The following PPP2R5C variants were observed in gnomAD, a reference collection of about 807,000 sequenced individuals.
PPP2R5C encodes the protein protein phosphatase 2 regulatory subunit B'gamma.
PPP2R5C carries 7 observed loss-of-function variants against 68.9 expected under a neutral mutation model. The observed-to-expected ratio is 0.10, with a 90% CI of 0.06 to 0.19. The LOEUF is 0.19. PPP2R5C is among the 10% of genes least tolerant of loss of function. The pLI is 1.00. For missense variants in PPP2R5C, 348 were observed against 641.3 expected (o/e 0.54, Z 4.94); for synonymous variants, 210 against 222.2 (o/e 0.95, Z 0.49).
intron 2 of PPP2R5C, among the ~76,000 whole-genome samples, chr14:101,773,459 C>T (rs961956666): frequency 2.0e-5 from 3 of 151,972 alleles, no homozygotes; most frequent in Non-Finnish European, 2.9e-5. Context: ...GGCCACAGTG[C>T]AAAGATCTAG....
exon 2 of PPP2R5C, chr14:101,856,774 T>C (rs1351107916): frequency 1.9e-6 from 3 of 1,613,592 alleles, no homozygotes; most frequent in East Asian, 4.5e-5. Flanking sequence ...ATCCACTAAG[T>C]GACCTAAAGT....
At chr14:101,761,724 G>T (rs2036547113), upstream of PPP2R5C, 1 of 950,278 alleles carries the variant, frequency 1.1e-6, no homozygotes. Flanking sequence ...CGTGGCTGCC[G>T]CAGCCTCTGG....
chr14:101,896,544 G>A (rs1198701988), intron 8 of PPP2R5C, among the ~76,000 whole-genome samples: 1 of 150,560 alleles, frequency 6.6e-6, no homozygotes, highest in Non-Finnish European at 1.5e-5. Flanking sequence ...GACCAGCCTG[G>A]GCAATATGGC....
intron 2 of PPP2R5C, among the ~76,000 whole-genome samples, chr14:101,878,620 C>T (rs969387559): frequency 2.0e-5 from 3 of 152,140 alleles, no homozygotes; most frequent in South Asian, 2.1e-4. Flanking sequence ...GTGAGTCCAG[C>T]GGGCAGGTCT....
chr14:101,786,435 A>G (rs2038092083), intron 3 of PPP2R5C, among the ~76,000 whole-genome samples: 1 of 152,154 alleles, frequency 6.6e-6, no homozygotes, highest in African/African-American at 2.4e-5. Context: ...AGGAAACAGG[A>G]AAAGCTGAAC....
chr14:101,817,404 G>A (rs1340920415), intron 1 of PPP2R5C, among the ~76,000 whole-genome samples: 1 of 152,174 alleles, frequency 6.6e-6, no homozygotes, highest in Admixed American at 6.5e-5. Flanking sequence ...TAAGCCATGA[G>A]CAGTGGCCTT....
chr14:101,828,365 G>A (rs1003465653), intron 1 of PPP2R5C, among the ~76,000 whole-genome samples: 4 of 152,092 alleles, frequency 2.6e-5, no homozygotes, highest in African/African-American at 4.8e-5. Context: ...CCCCTGAAGT[G>A]TACTTGAAGT....
intron 1 of PPP2R5C, among the ~76,000 whole-genome samples, chr14:101,812,209 G>T (rs1298936766): frequency 2.6e-5 from 4 of 152,206 alleles, no homozygotes; most frequent in Non-Finnish European, 5.9e-5. Context: ...TGTGCCAAGT[G>T]CTGAGCGTCA....
At chr14:101,869,376 A>G (rs1409030252) in intron 2 of PPP2R5C, among the ~76,000 whole-genome samples, 1 of 152,206 alleles carries the variant, frequency 6.6e-6, no homozygotes, top group African/African-American at 2.4e-5. Context: ...ATTTGGAGCA[A>G]TAAAACTTTT....
Position 101,906,905 on chromosome 14 carries a change from A to T in PPP2R5C, c.1151+376A>T, listed in dbSNP as rs1052185377. 6.6e-6 allele frequency among the ~76,000 whole-genome samples: 1 copy of T among 152,076 alleles called. No individual in the cohort carries two copies. Among genetic ancestry groups the T allele is most frequent in the Non-Finnish European group, 1.5e-5 (1 of 68,006 alleles). ...GGGGTGTCTATTGAGCTCTGCTGAC[A>T]TGCACCCTGGATGAGCCCCTGTGTG... is the stretch of plus-strand genomic sequence containing the variant. On this transcript the variant is annotated intron_variant, in intron 10 of 13. Coordinates refer to ENST00000334743, the Ensembl canonical transcript of PPP2R5C. This position sits in a 1 kb window ranked among gnomAD's most constrained non-coding sequence, Gnocchi z 4.0.
rs376001346 is a variant in PPP2R5C, at chr14:101,787,049, C to T, written c.259+866C>T. 7.4e-4 allele frequency among the ~76,000 whole-genome samples: 112 copies of T among 152,122 alleles called. 2 individuals carry two copies. The East Asian group carries it at 0.015, about 21-fold the overall frequency. ...GAAGGATCACTTGAGCCCAGGAGTT[C>T]GAGACCAGCCTAGGCAACATAGGGA... On this transcript the variant is annotated intron_variant, in intron 3 of 14. Transcript: ENST00000328724.
At chr14:101,909,513 AG>A in intron 10 of PPP2R5C, 75 bp from the exon 13 acceptor site, 1 of 942,764 alleles carries the variant, frequency 1.1e-6, no homozygotes, top group East Asian at 2.5e-5. Context: ...TGGAATATGG[AG>A]CAGCCTGAGA....
chr14:101,859,540 G>A (rs1191914997), intron 2 of PPP2R5C, among the ~76,000 whole-genome samples: 1 of 152,214 alleles, frequency 6.6e-6, no homozygotes, highest in African/African-American at 2.4e-5. Context: ...GTAGAATAGG[G>A]GATGGGGACA....
In PPP2R5C at chr14:101,787,720, T is replaced by C. The variant is rs536421036; in HGVS notation, c.259+1537T>C. Among the ~76,000 whole-genome samples, 5 of 144,684 alleles carry C rather than the reference T, an allele frequency of 3.5e-5. No homozygotes were observed. In the East Asian group the frequency reaches 1.0e-3, roughly 29 times the overall value. 94.9% of individuals were successfully genotyped at this position (144,684 alleles called of 152,430 possible). A position where few individuals can be genotyped will look rare whatever the true frequency, so the allele number is the denominator to read the frequency against. On this transcript the variant is annotated intron_variant, in intron 3 of 14. Coordinates refer to the PPP2R5C transcript ENST00000328724. Reference sequence around the variant, plus strand: ...AGGCAGAGCTTGCAGTGAGCTGAGATCGTGCCACTGCACTCCAGCCTGGGC... The same window carrying C: ...AGGCAGAGCTTGCAGTGAGCTGAGACCGTGCCACTGCACTCCAGCCTGGGC...
chr14:101,884,299 C>A (rs1372599716), intron 5 of PPP2R5C, among the ~76,000 whole-genome samples: 1 of 152,198 alleles, frequency 6.6e-6, no homozygotes, highest in East Asian at 1.9e-4. Flanking sequence ...GATGGGTCTG[C>A]GTCTCCCAGT....
rs2044914627 is a variant in PPP2R5C at position 101,891,537 on chromosome 14, G to A, written c.689+1241G>A. ...GCGCATCCTCGCATTTCCCTCCTAG[G>A]TTGTTGCAGGGACCGGAGCGCTGTA... On this transcript the variant is annotated intron_variant, in intron 6 of 13. Transcript: ENST00000334743. This position sits in a 1 kb window ranked among gnomAD's most constrained non-coding sequence, Gnocchi z 4.9. 6.6e-6 allele frequency among the ~76,000 whole-genome samples: 1 copy of A among 152,130 alleles called. No homozygotes were observed. Among genetic ancestry groups the A allele is most frequent in the African/African-American group, 2.4e-5 (1 of 41,412 alleles).
At chr14:101,911,066 G>A (rs1247625240) in intron 11 of PPP2R5C, among the ~76,000 whole-genome samples, 4 of 150,326 alleles carry the variant, frequency 2.7e-5, no homozygotes. Context: ...TCACACCACT[G>A]CACTCCAGCC....
chr14:101,884,723 A>G (rs1049580117), intron 5 of PPP2R5C, among the ~76,000 whole-genome samples: 7 of 152,176 alleles, frequency 4.6e-5, no homozygotes, highest in African/African-American at 1.7e-4. Flanking sequence ...GCCTCCTGGA[A>G]TGTCTTTTTT....
chr14:101,881,968 A>G (rs901216576), intron 2 of PPP2R5C, among the ~76,000 whole-genome samples, 193 bp from the exon 5 acceptor site: 1 of 152,120 alleles, frequency 6.6e-6, no homozygotes, highest in Non-Finnish European at 1.5e-5. Flanking sequence ...CACCTGTCCA[A>G]AGTGATGTTT....
Sources: allele counts gnomAD v4.1 joint callset (sites outside exome capture counted in the v4.1 genomes callset), GRCh38; gene constraint gnomAD v4.1.1; non-coding constraint Gnocchi (gnomAD v3.1); transcripts MANE v1.5; gene names NCBI Gene and HGNC (gene_info 2026-07-23, HGNC 2026-07-21).